Variants in BTN3A2 observed in about 807,000 individuals in gnomAD.
The protein encoded by BTN3A2 is butyrophilin protein.
A neutral mutation model predicts 37.6 loss-of-function variants in BTN3A2; 25 were observed. The observed-to-expected ratio is 0.66, with a 90% CI of 0.48 to 0.93. The LOEUF (loss-of-function observed/expected upper bound fraction) is 0.93. Ranked by LOEUF, BTN3A2 falls within the 40% of genes least tolerant of loss-of-function variation. The pLI is 0.00. For synonymous variants in BTN3A2, 122 were observed against 159.4 expected, an observed-to-expected ratio of 0.77 and a Z score of 1.77; for missense variants, 266 against 410.9, an observed-to-expected ratio of 0.65 and a Z score of 3.05.
At position 26,374,816 on chromosome 6, in the gene BTN3A2, T is replaced by A. The variant is rs912006832; in HGVS notation, c.*34+18T>A. 6.6e-7 allele frequency: 1 copy of A among 1,515,372 alleles called. No homozygotes were observed. Among genetic ancestry groups the A allele is most frequent in the African/African-American group, 1.4e-5 (1 of 72,616 alleles). The allele number at this position is 1,515,372 out of a possible 1,614,324, so 93.9% of individuals were successfully genotyped here. ...CAAGCCTGGTGAGTAAATCACTGCATGTTCCCTGGACCAACAACCTGAGGG... is the reference window on the plus strand; with the variant it reads ...CAAGCCTGGTGAGTAAATCACTGCAAGTTCCCTGGACCAACAACCTGAGGG... On this transcript the variant is annotated intron_variant, in intron 10 of 10. Coordinates refer to ENST00000377708, the MANE Select transcript of BTN3A2 (RefSeq NM_007047.5).
intron 8 of BTN3A2, 138 bp downstream of exon 8, chr6:26,373,551 G>T: frequency 4.0e-6 from 3 of 754,638 alleles, no homozygotes; most frequent in Non-Finnish European, 5.7e-6. Flanking sequence ...AACAAGTGTG[G>T]CTCTTTGGAG....
chr6:26,374,876 CTTGT>C, intron 10 of BTN3A2, 78 bp downstream of exon 10: 1 of 1,420,486 alleles, frequency 7.0e-7, no homozygotes, highest in Non-Finnish European at 9.6e-7. Flanking sequence ...TTCTCCAACT[CTTGT>C]GATTTGGAGC....
In BTN3A2 at chr6:26,370,327, G is replaced by A. The variant is rs1184069448; in HGVS notation, c.439G>A (p.Gly147Ser). The change falls in exon 5 of 11, where the codon GGT becomes AGT. Residue 147 changes from glycine (G) to serine (S), a missense_variant. Physicochemically the swap from Gly to Ser is moderately conservative, Grantham distance 56. Transcript: ENST00000377708. Reference protein sequence around the residue: ...ALVELKVAALGSNLHVEVKGY... With the variant: ...ALVELKVAALSSNLHVEVKGY... ...GCCAAATTATCCTTCCACAGCACTG[G>A]GTTCTAATCTTCACGTCGAAGTGAA... 1 of 1,613,894 alleles carries A rather than the reference G, an allele frequency of 6.2e-7. No individual in the cohort carries two copies. Among genetic ancestry groups the A allele is most frequent in the African/African-American group, 1.3e-5 (1 of 74,904 alleles).
rs369533018 is a variant in BTN3A2, at chr6:26,373,106, C to T, written c.916+9C>T. On this transcript the variant is annotated intron_variant, in intron 6 of 10. Coordinates refer to ENST00000377708, the MANE Select transcript of BTN3A2 (RefSeq NM_007047.5). Reference sequence around the variant, plus strand: ...GGAAATAAGCCTAAGAGGTATCCAACGCAAGCAGAGAATCTAAGCTCTTGG... The same window carrying T: ...GGAAATAAGCCTAAGAGGTATCCAATGCAAGCAGAGAATCTAAGCTCTTGG... The T allele has an allele frequency of 4.0e-5, 65 of 1,612,880 alleles. No homozygotes were observed. Among genetic ancestry groups the T allele is most frequent in the African/African-American group, 3.7e-4 (28 of 74,892 alleles).
At position 26,372,923 on chromosome 6, in the gene BTN3A2, T is replaced by C. The variant is rs767499921; in HGVS notation, c.742T>C (p.Trp248Arg). The C allele has an allele frequency of 3.1e-6, 5 of 1,613,944 alleles. No individual in the cohort carries two copies. The highest frequency in any genetic ancestry group is 2.5e-6 in the Non-Finnish European group (3 of 1,180,032). Residue 248 changes from tryptophan to arginine, a missense_variant, in exon 6 of 11, where the codon TGG (tryptophan) becomes CGG (arginine). Trp to Arg is a moderately radical substitution (Grantham distance 101). Around this residue, in one of 3 missense-constraint regions of BTN3A2, gnomAD observed 204 missense variants for 232.6 expected, o/e 0.88. Transcript: ENST00000377708. ...ADPFFRSAQPWIAALAGTLPI... is the reference protein window; with the variant it reads ...ADPFFRSAQPRIAALAGTLPI... ...CCCCTTCTTCAGGAGCGCCCAGCCC[T>C]GGATCGCAGCCCTGGCAGGGACCCT...
At chr6:26,373,916 C>A in intron 8 of BTN3A2, 1 of 183,306 alleles carries the variant, frequency 5.5e-6, no homozygotes, top group Non-Finnish European at 1.1e-5. Flanking sequence ...AAAACTAGTC[C>A]CTGAAATTGC....
chr6:26,374,749 ATC>A lies in BTN3A2; in HGVS notation c.*7-20_*7-19del. On this transcript the variant is annotated intron_variant, in intron 9 of 10. Transcript: ENST00000377708. The stretch of plus-strand genomic sequence containing the variant: ...GTACAAAAATACTGACCTTTTTCTT[ATC>A]TGTGTCTCCTTCCTTTCAGAATGGA... 6.6e-7 allele frequency: 1 copy of A among 1,526,040 alleles called. No homozygotes were observed. Among genetic ancestry groups the A allele is most frequent in the Non-Finnish European group, 9.1e-7 (1 of 1,104,238 alleles). The allele number at this position is 1,526,040 out of a possible 1,614,324, so 94.5% of individuals were successfully genotyped here.
At chr6:26,373,237 CTTT>C (rs750198408) in intron 6 of BTN3A2, 36 bp from the exon 7 acceptor site, 72,620 of 1,272,196 alleles carry the variant, frequency 0.057, 3 homozygotes, top group Non-Finnish European at 0.062. Context: ...AACAGTTCAT[CTTT>C]TTTTTTTTTT....
Position 26,370,186 on chromosome 6 carries a change from A to G in BTN3A2, c.434-136A>G, listed in dbSNP as rs189335085. ...TAGCAAATTTAGTTTTCCCCTCATC[A>G]TGACCACACTTTTGTAAACAGCTCC... is the stretch of plus-strand genomic sequence containing the variant. On this transcript the variant is annotated intron_variant, in intron 4 of 10. Coordinates refer to ENST00000377708, the MANE Select transcript of BTN3A2 (RefSeq NM_007047.5). 1.6e-4 allele frequency: 200 copies of G among 1,222,602 alleles called. 5 individuals are homozygous for G. In the Admixed American group the frequency reaches 4.9e-3, roughly 30 times the overall value. 75.7% of individuals were successfully genotyped at this position (1,222,602 alleles called of 1,614,324 possible).
At chr6:26,370,672 A>G (rs1760022578) in intron 5 of BTN3A2, 69 bp downstream of exon 5, 1 of 1,595,328 alleles carries the variant, frequency 6.3e-7, no homozygotes, top group African/African-American at 1.3e-5. Context: ...GGATGTGTTA[A>G]TATCTGTGGT....
chr6:26,372,139 A>T (rs1248321524), intron 5 of BTN3A2, among the ~76,000 whole-genome samples: 2 of 152,242 alleles, frequency 1.3e-5, no homozygotes, highest in African/African-American at 4.8e-5. Flanking sequence ...TCCAAGATAC[A>T]CTTTACACAG....
chr6:26,372,981 G>A lies in BTN3A2; in HGVS notation c.800G>A (p.Ser267Asn). The part of the protein sequence containing the change: ...PILLLLLAGA[S>N]YFLWRQQKEI... ...TTGCTGCTGCTTCTCGCCGGAGCCAGTTACTTCTTGTGGAGACAACAGAAG... is the reference window on the plus strand; with the variant it reads ...TTGCTGCTGCTTCTCGCCGGAGCCAATTACTTCTTGTGGAGACAACAGAAG... Residue 267 changes from serine (S) to asparagine (N), a missense_variant, in exon 6 of 11, where the codon AGT becomes AAT. This residue lies in a region of BTN3A2 where 204 missense variants were observed against 232.6 expected (regional missense o/e 0.88). Coordinates refer to ENST00000377708, the MANE Select transcript of BTN3A2 (RefSeq NM_007047.5). 1 of 1,614,238 alleles carries A rather than the reference G, an allele frequency of 6.2e-7. No homozygotes were observed. The highest frequency in any genetic ancestry group is 1.3e-5 in the African/African-American group (1 of 75,066).
chr6:26,373,009 A>G lies in BTN3A2; in HGVS notation c.828A>G (p.Glu276=). 6.2e-7 allele frequency: 1 copy of G among 1,614,252 alleles called. No homozygotes were observed. The highest frequency in any genetic ancestry group is 1.3e-5 in the African/African-American group (1 of 75,072). Residue 276 remains glutamate, a synonymous_variant, in exon 6 of 11, where the codon GAA becomes GAG. Transcript: ENST00000377708. ...ACTTCTTGTGGAGACAACAGAAGGAAATAACTGCTCTGTCCAGTGAGATAG... is the reference window on the plus strand; with the variant it reads ...ACTTCTTGTGGAGACAACAGAAGGAGATAACTGCTCTGTCCAGTGAGATAG... ...ASYFLWRQQK[E]ITALSSEIES...
At chr6:26,370,066 C>CT (rs959210282) in intron 4 of BTN3A2, among the ~76,000 whole-genome samples, 1 of 152,196 alleles carries the variant, frequency 6.6e-6, no homozygotes. Flanking sequence ...TGAATCTCTT[C>CT]TTTTTTGTGT....
rs71544679 is a variant in BTN3A2, at chr6:26,376,215, G to GAAAA, written c.*471_*474dup. 1.6e-3 allele frequency: 122 copies of GAAAA among 75,162 alleles called. No homozygotes were observed. The highest frequency in any genetic ancestry group is 2.3e-3 in the South Asian group (5 of 2,186). The allele number at this position is 75,162 out of a possible 1,614,324, so 4.7% of individuals were successfully genotyped here. On this transcript the variant is annotated 3_prime_UTR_variant, in exon 11 of 11. Coordinates refer to ENST00000377708, the MANE Select transcript of BTN3A2 (RefSeq NM_007047.5). ...GAGACAGAGCGAGACTCTGTCTCAA[G>GAAAA]AAAAAAAAAAAAAAAAAAAAAGAAA...
Position 26,377,452 on chromosome 6 carries a change from C to G in BTN3A2, c.*1690C>G. ...GAATAGTGAACAACAGAGCTGGGAT[C>G]TGAACAACAATGACTAACATTAATG... On this transcript the variant is annotated 3_prime_UTR_variant, in exon 11 of 11. Coordinates refer to ENST00000377708, the MANE Select transcript of BTN3A2 (RefSeq NM_007047.5). 2.3e-6 allele frequency: 1 copy of G among 434,742 alleles called. No homozygotes were observed. The highest frequency in any genetic ancestry group is 2.2e-5 in the South Asian group (1 of 45,562). The allele number at this position is 434,742 out of a possible 1,614,324, so 26.9% of individuals were successfully genotyped here. A position where few individuals can be genotyped will look rare whatever the true frequency, so the allele number is the denominator to read the frequency against.
intron 7 of BTN3A2, 38 bp downstream of exon 7, chr6:26,373,334 C>T (rs1760334732): frequency 6.2e-7 from 1 of 1,601,946 alleles, no homozygotes; most frequent in Non-Finnish European, 8.5e-7. Flanking sequence ...GACATGTCTT[C>T]CTATCCTCGC....
intron 5 of BTN3A2, among the ~76,000 whole-genome samples, chr6:26,371,098 T>TA (rs1760067506): frequency 6.6e-6 from 1 of 151,976 alleles, no homozygotes; most frequent in Admixed American, 6.6e-5. Context: ...CCATCTCTTC[T>TA]AAAAATTCAA....
intron 5 of BTN3A2, among the ~76,000 whole-genome samples, chr6:26,372,306 A>G (rs965475728): frequency 9.2e-5 from 14 of 152,238 alleles, no homozygotes; most frequent in Admixed American, 5.2e-4. Context: ...CTTACTGTAC[A>G]TCAGGCACTT....
Sources: allele counts gnomAD v4.1 joint callset (sites outside exome capture counted in the v4.1 genomes callset), GRCh38; gene constraint gnomAD v4.1.1; regional missense constraint gnomAD v4.1.1; transcripts MANE v1.5; gene names NCBI Gene and HGNC (gene_info 2026-07-23, HGNC 2026-07-21).